The following WDR7 variants were observed in gnomAD, a reference collection of about 807,000 sequenced individuals.
WDR7 encodes the protein WD repeat-containing protein 7.
A neutral mutation model predicts 169.4 loss-of-function variants in WDR7; 46 were observed. The ratio of observed to expected loss-of-function variants is 0.27; its 90% CI spans 0.21 to 0.35. The LOEUF (loss-of-function observed/expected upper bound fraction) is 0.35. Among genes scored for constraint, WDR7 ranks in the 10% least tolerant of loss-of-function variants. WDR7 has a pLI of 1.00. For synonymous variants in WDR7, 612 were observed against 666.8 expected (o/e 0.92, Z 1.27); for missense variants, 1,534 against 1,859.3 (o/e 0.83, Z 3.22).
chr18:56,661,325 A>T (rs2024900240), intron 1 of WDR7, among the ~76,000 whole-genome samples: 1 of 152,196 alleles, frequency 6.6e-6, no homozygotes, highest in Non-Finnish European at 1.5e-5. Context: ...AACTCTTGAA[A>T]TTGCTGTAGG....
intron 21 of WDR7, among the ~76,000 whole-genome samples, chr18:56,922,342 T>C (rs2145638196): frequency 6.6e-6 from 1 of 152,164 alleles, no homozygotes; most frequent in South Asian, 2.1e-4. Context: ...CTGACAGACT[T>C]ACTGAGGAAA....
At chr18:56,900,663 C>T (rs1251801854) in intron 21 of WDR7, among the ~76,000 whole-genome samples, 4 of 152,110 alleles carry the variant, frequency 2.6e-5, no homozygotes, top group South Asian at 2.1e-4. Context: ...AGGGGAACAT[C>T]GGGCTTGTAG....
intron 19 of WDR7, among the ~76,000 whole-genome samples, chr18:56,794,304 A>ATTTTGTTTTTTTTT (rs2044543788): frequency 2.0e-5 from 1 of 49,466 alleles, no homozygotes; most frequent in Non-Finnish European, 3.8e-5. Flanking sequence ...GGTAAAGTCT[A>ATTTTGTTTTTTTTT]TTTTTTTTTT....
chr18:56,998,960 C>T (rs535803716), intron 26 of WDR7, among the ~76,000 whole-genome samples: 2 of 152,242 alleles, frequency 1.3e-5, no homozygotes, highest in South Asian at 4.2e-4. Context: ...AGAAAACAAG[C>T]TTTTAGCAAC....
At chr18:56,821,617 A>T (rs1190741254) in intron 20 of WDR7, among the ~76,000 whole-genome samples, 1 of 150,992 alleles carries the variant, frequency 6.6e-6, no homozygotes, top group South Asian at 2.1e-4. Context: ...CTGGATATCT[A>T]ATCTCATCAT....
At chr18:56,879,872 A>G in intron 20 of WDR7, 72 bp from the exon 21 acceptor site, 1 of 1,277,368 alleles carries the variant, frequency 7.8e-7, no homozygotes, top group Non-Finnish European at 1.1e-6. Context: ...GCAGTCCTGA[A>G]TGTTTTTCTA....
intron 21 of WDR7, among the ~76,000 whole-genome samples, chr18:56,895,509 T>C (rs2046321260): frequency 6.6e-6 from 1 of 151,608 alleles, no homozygotes; most frequent in Non-Finnish European, 1.5e-5. Context: ...AGTGAATAGA[T>C]ATTTGTGTGG....
At chr18:56,952,963 C>T (rs1157187452) in intron 25 of WDR7, among the ~76,000 whole-genome samples, 4 of 152,144 alleles carry the variant, frequency 2.6e-5, no homozygotes, top group Non-Finnish European at 5.9e-5. Flanking sequence ...AGGGTAGTGA[C>T]ACTATGTTAT....
intron 2 of WDR7, among the ~76,000 whole-genome samples, chr18:56,675,014 C>G (rs994123344): frequency 6.6e-6 from 1 of 152,118 alleles, no homozygotes; most frequent in African/African-American, 2.4e-5. Context: ...GCTCTCAATT[C>G]TATTTTATGG....
chr18:57,027,552 T>G lies in WDR7; in HGVS notation c.*345T>G. On this transcript the variant is annotated 3_prime_UTR_variant, in exon 28 of 28. Transcript: ENST00000254442. The stretch of plus-strand genomic sequence containing the variant: ...AAATCAATAAACACTGTGATTGCAC[T>G]CCCAGCCCAGATCAGCATTTTTAGC... The G allele has an allele frequency of 3.2e-6, 1 of 312,270 alleles. No homozygotes were observed. Among genetic ancestry groups the G allele is most frequent in the South Asian group, 4.0e-5 (1 of 24,974 alleles). The allele number at this position is 312,270 out of a possible 1,614,324, so 19.3% of individuals were successfully genotyped here. A position where few individuals can be genotyped will look rare whatever the true frequency, so the allele number is the denominator to read the frequency against.
intron 7 of WDR7, 95 bp from the exon 8 acceptor site, chr18:56,691,121 A>C (rs2025558991): frequency 2.0e-6 from 3 of 1,511,174 alleles, no homozygotes; most frequent in Admixed American, 2.4e-5. Flanking sequence ...TTTTCTAAAT[A>C]CATTTCCAGG....
At chr18:56,829,245 G>A (rs777170156) in intron 20 of WDR7, among the ~76,000 whole-genome samples, 13 of 149,248 alleles carry the variant, frequency 8.7e-5, no homozygotes, top group Middle Eastern at 3.5e-3. Flanking sequence ...GTGACAGAGG[G>A]AGGCCTTCTG....
At chr18:56,848,859 G>C (rs1174059775) in intron 20 of WDR7, among the ~76,000 whole-genome samples, 2 of 152,052 alleles carry the variant, frequency 1.3e-5, no homozygotes, top group African/African-American at 2.4e-5. Flanking sequence ...CATACTTCCT[G>C]TACAGCTTGC....
At chr18:56,830,396 T>C (rs187096482) in intron 20 of WDR7, among the ~76,000 whole-genome samples, 1 of 152,346 alleles carries the variant, frequency 6.6e-6, no homozygotes, top group Admixed American at 6.5e-5. Context: ...TCAAACTTGC[T>C]CAAGCATCAT....
At chr18:56,716,872 C>A (rs1166474129) in intron 12 of WDR7, among the ~76,000 whole-genome samples, 1 of 152,206 alleles carries the variant, frequency 6.6e-6, no homozygotes, top group Non-Finnish European at 1.5e-5. Flanking sequence ...TTCCCATGCA[C>A]ATTTGACCAC....
At chr18:56,964,580 G>T (rs1383919160) in intron 26 of WDR7, among the ~76,000 whole-genome samples, 1 of 152,028 alleles carries the variant, frequency 6.6e-6, no homozygotes, top group Non-Finnish European at 1.5e-5. Flanking sequence ...TAGAGATGGG[G>T]TCTCATCATG....
At chr18:56,817,031 A>T (rs1568212157) in intron 20 of WDR7, among the ~76,000 whole-genome samples, 1 of 152,126 alleles carries the variant, frequency 6.6e-6, no homozygotes, top group Admixed American at 6.5e-5. Context: ...CCCAGAAAAT[A>T]ACAGAAAATT....
rs531370933 is a variant in WDR7 at position 56,808,178 on chromosome 18, A to G, written c.3191-7853A>G. Among the ~76,000 whole-genome samples, 6 of 152,256 alleles carry G rather than the reference A, an allele frequency of 3.9e-5. No homozygotes were observed. The East Asian group carries it at 1.2e-3, about 29-fold the overall frequency. On this transcript the variant is annotated intron_variant, in intron 19 of 27. Transcript: ENST00000254442. ...ATAAGGATTGTGGGGAATGTGGGGC[A>G]GTGTTGGTCAGTCACTGCAGAGATC...
At chr18:56,985,102 C>T (rs1473223479) in intron 26 of WDR7, among the ~76,000 whole-genome samples, 1 of 152,106 alleles carries the variant, frequency 6.6e-6, no homozygotes, top group Non-Finnish European at 1.5e-5. Flanking sequence ...CCTTAGAACA[C>T]CACAGTGTTT....
Sources: allele counts gnomAD v4.1 joint callset (sites outside exome capture counted in the v4.1 genomes callset), GRCh38; gene constraint gnomAD v4.1.1; transcripts MANE v1.5; gene names NCBI Gene and HGNC (gene_info 2026-07-23, HGNC 2026-07-21).